The following OR7C1 variants were observed in gnomAD, a reference collection of about 807,000 sequenced individuals.
The protein encoded by OR7C1 is olfactory receptor 7C1.
For synonymous variants in OR7C1, 152 were observed against 160.7 expected, an observed-to-expected ratio of 0.95 and a Z score of 0.41; for missense variants, 324 against 383.3, an observed-to-expected ratio of 0.85 and a Z score of 1.29.
chr19:14,822,704 G>T (rs55951528), intron 1 of OR7C1, among the ~76,000 whole-genome samples: 1 of 151,596 alleles, frequency 6.6e-6, no homozygotes, highest in Middle Eastern at 3.2e-3. Flanking sequence ...TATAATAGCC[G>T]TCCTAACAGG....
intron 1 of OR7C1, among the ~76,000 whole-genome samples, chr19:14,811,130 A>G (rs2044689044): frequency 6.6e-6 from 1 of 151,924 alleles, no homozygotes; most frequent in South Asian, 2.1e-4. Flanking sequence ...CAATACTGAC[A>G]CTAATGGGCA....
At chr19:14,828,263 G>A (rs764628503) in intron 1 of OR7C1, 1 of 1,581,230 alleles carries the variant, frequency 6.3e-7, no homozygotes, top group South Asian at 1.2e-5. Context: ...GACTATCAGA[G>A]AGAGAGAGAG....
At chr19:14,807,512 A>G (rs1480295865) in intron 2 of OR7C1, among the ~76,000 whole-genome samples, 1 of 151,868 alleles carries the variant, frequency 6.6e-6, no homozygotes, top group South Asian at 2.1e-4. Flanking sequence ...ATGACACTGG[A>G]ATTCCCTTAG....
At chr19:14,808,356 T>C (rs1162386892) in intron 2 of OR7C1, among the ~76,000 whole-genome samples, 1 of 151,954 alleles carries the variant, frequency 6.6e-6, no homozygotes, top group African/African-American at 2.4e-5. Context: ...AGCCAAGTCA[T>C]AGAATCAACT....
rs1239123334 is a variant in OR7C1 at position 14,828,080 on chromosome 19, G to A, written c.-623+6994C>T. ...GGAAGAAGTACATGGGGGTGTGGAG[G>A]TGGGAGTCTGAGATTGTGGCCAGGA... On this transcript the variant is annotated intron_variant, in intron 1 of 4. Transcript: ENST00000641666. 4 of 1,614,186 alleles carry A rather than the reference G, an allele frequency of 2.5e-6. No individual in the cohort carries two copies. In the Admixed American group the frequency reaches 5.0e-5, roughly 20 times the overall value.
rs150677517 is a variant in OR7C1, at chr19:14,822,235, A to G, written c.-622-12242T>C. On this transcript the variant is annotated intron_variant, in intron 1 of 4. Transcript: ENST00000641666. ...GCTATATATGCAGTCATGGGATTAT[A>G]CACATATGGTAGTTCTATTTTTAGT... Among the ~76,000 whole-genome samples, 1,065 of 152,266 alleles carry G rather than the reference A, an allele frequency of 7.0e-3. 11 individuals are homozygous for G. Among genetic ancestry groups the G allele is most frequent in the African/African-American group, 0.024 (1,017 of 41,548 alleles).
chr19:14,829,107 G>T (rs2044805569), intron 1 of OR7C1, among the ~76,000 whole-genome samples: 1 of 152,210 alleles, frequency 6.6e-6, no homozygotes, highest in South Asian at 2.1e-4. Context: ...TTTGAAAAAA[G>T]ATCTCAAGGA....
chr19:14,798,935 C>T, exon 5 of OR7C1: 2 of 399,182 alleles, frequency 5.0e-6, no homozygotes, highest in South Asian at 6.3e-5. Context: ...GTCTGCAGCT[C>T]GATTTTTCAG....
intron 1 of OR7C1, among the ~76,000 whole-genome samples, chr19:14,822,959 A>T (rs887007471): frequency 6.6e-6 from 1 of 151,544 alleles, no homozygotes; most frequent in Non-Finnish European, 1.5e-5. Context: ...CTCCTTCCAT[A>T]GGTTGCCTCT....
chr19:14,826,807 A>G (rs1200959877), intron 1 of OR7C1: 1 of 153,358 alleles, frequency 6.5e-6, no homozygotes, highest in Non-Finnish European at 1.4e-5. Flanking sequence ...GGACAACACA[A>G]TCTCATGACC....
intron 1 of OR7C1, among the ~76,000 whole-genome samples, chr19:14,819,265 C>A (rs756240010): frequency 1.3e-5 from 2 of 151,932 alleles, no homozygotes; most frequent in Non-Finnish European, 2.9e-5. Context: ...CAACCCATCA[C>A]CTAGGTATTA....
At chr19:14,815,223 G>A (rs2044710754) in intron 1 of OR7C1, among the ~76,000 whole-genome samples, 1 of 152,180 alleles carries the variant, frequency 6.6e-6, no homozygotes, top group African/African-American at 2.4e-5. Flanking sequence ...ACTGGCTCTG[G>A]CTCGTCTACA....
At chr19:14,813,716 A>AAGG (rs2044702613) in intron 1 of OR7C1, among the ~76,000 whole-genome samples, 2 of 151,832 alleles carry the variant, frequency 1.3e-5, no homozygotes, top group Admixed American at 6.6e-5. Flanking sequence ...GAGAGAGAGA[A>AAGG]GGGGGGCGTG....
chr19:14,834,837 C>T (rs1231369661), intron 1 of OR7C1, among the ~76,000 whole-genome samples: 1 of 152,128 alleles, frequency 6.6e-6, no homozygotes, highest in Admixed American at 6.5e-5. Context: ...CTTCTGTGAC[C>T]TTCACTAAAT....
At chr19:14,808,403 G>T (rs1333742443) in intron 2 of OR7C1, among the ~76,000 whole-genome samples, 1 of 151,936 alleles carries the variant, frequency 6.6e-6, no homozygotes, top group Non-Finnish European at 1.5e-5. Flanking sequence ...TAAATAAAAT[G>T]TGGTATATAT....
intron 1 of OR7C1, chr19:14,826,042 G>A (rs1360860703): frequency 6.6e-6 from 1 of 152,156 alleles, no homozygotes; most frequent in East Asian, 1.9e-4. Flanking sequence ...AAAGACTACT[G>A]TTGAGATTCC....
intron 1 of OR7C1, among the ~76,000 whole-genome samples, chr19:14,815,765 T>G (rs1294703502): frequency 6.6e-6 from 1 of 150,948 alleles, no homozygotes; most frequent in Non-Finnish European, 1.5e-5. Context: ...GAGAGTTTCC[T>G]TGAGTCTCTG....
chr19:14,813,469 G>A (rs2044701029), intron 1 of OR7C1, among the ~76,000 whole-genome samples: 1 of 151,920 alleles, frequency 6.6e-6, no homozygotes, highest in South Asian at 2.1e-4. Flanking sequence ...GCAGGAGAAT[G>A]GCATGAACCC....
intron 1 of OR7C1, chr19:14,824,431 G>A: frequency 6.6e-6 from 1 of 152,134 alleles, no homozygotes; most frequent in East Asian, 1.9e-4. Context: ...TTATGTCCGT[G>A]TGTACCCAAT....
Sources: gnomAD v4.1 joint callset for allele counts (sites outside exome capture counted in the v4.1 genomes callset) on GRCh38, gnomAD v4.1.1 for gene constraint, MANE v1.5 for transcripts, NCBI Gene and HGNC (gene_info 2026-07-23, HGNC 2026-07-21) for gene names.